Variants in RASSF8 observed in about 807,000 individuals in gnomAD.
The protein encoded by RASSF8 is ras association domain-containing protein 8.
Under a neutral mutation model 48.5 loss-of-function variants are expected in RASSF8, and 22 were observed. The ratio of observed to expected loss-of-function variants is 0.45; its 90% CI spans 0.32 to 0.65. RASSF8 has a LOEUF of 0.65. Among genes scored for constraint, RASSF8 ranks in the 30% least tolerant of loss-of-function variants. The probability of loss-of-function intolerance (pLI) is 0.03; values close to 1 mark genes in which losing one functional copy is unlikely to be tolerated. For synonymous variants in RASSF8, 127 were observed against 171.5 expected (o/e 0.74, Z 2.03); for missense variants, 418 against 489.2 (o/e 0.85, Z 1.37).
At chr12:25,973,409 C>T (rs1209698912) in intron 1 of RASSF8, among the ~76,000 whole-genome samples, 1 of 152,092 alleles carries the variant, frequency 6.6e-6, no homozygotes, top group African/African-American at 2.4e-5. Context: ...GTCATGGGAC[C>T]ATGGACACAT....
intron 3 of RASSF8, among the ~76,000 whole-genome samples, chr12:26,061,150 G>A (rs1223666216): frequency 6.6e-6 from 1 of 152,076 alleles, no homozygotes; most frequent in Admixed American, 6.6e-5. Flanking sequence ...ATTTATGACT[G>A]TAAGGAGAAA....
intron 1 of RASSF8, among the ~76,000 whole-genome samples, chr12:25,961,506 G>C (rs1941233710): frequency 1.3e-5 from 2 of 152,070 alleles, no homozygotes; most frequent in African/African-American, 2.4e-5. Flanking sequence ...GAGTTTCCAA[G>C]TATTCTGTAT....
intron 1 of RASSF8, among the ~76,000 whole-genome samples, chr12:25,971,746 T>TA (rs1941490893): frequency 1.3e-5 from 2 of 152,176 alleles, no homozygotes; most frequent in South Asian, 4.1e-4. Context: ...GTAAAACACT[T>TA]AAAAATGTAT....
chr12:25,992,101 A>C (rs1942028878), intron 1 of RASSF8, among the ~76,000 whole-genome samples: 1 of 152,234 alleles, frequency 6.6e-6, no homozygotes, highest in African/African-American at 2.4e-5. Context: ...GGAATCATTT[A>C]GGTGAGCAGG....
chr12:26,001,095 C>T (rs1307579814), intron 2 of RASSF8, among the ~76,000 whole-genome samples: 1 of 150,836 alleles, frequency 6.6e-6, no homozygotes, highest in Non-Finnish European at 1.5e-5. Flanking sequence ...AGTGATCCTC[C>T]CGCTTCAGCC....
chr12:26,077,779 T>C (rs1171127107), downstream of RASSF8, among the ~76,000 whole-genome samples: 1 of 152,220 alleles, frequency 6.6e-6, no homozygotes, highest in East Asian at 1.9e-4. Flanking sequence ...TTCATCTTAC[T>C]GAATCATTGA....
At chr12:25,967,731 C>T (rs1941391217) in intron 1 of RASSF8, among the ~76,000 whole-genome samples, 1 of 152,194 alleles carries the variant, frequency 6.6e-6, no homozygotes, top group Admixed American at 6.5e-5. Flanking sequence ...TAGTGCCTTC[C>T]CCTTACCCAA....
At chr12:26,036,860 G>C (rs1048611621) in intron 2 of RASSF8, among the ~76,000 whole-genome samples, 1 of 152,008 alleles carries the variant, frequency 6.6e-6, no homozygotes, top group African/African-American at 2.4e-5. Flanking sequence ...AGGTTGAAGT[G>C]AGCCGAGATA....
At chr12:26,015,520 A>C (rs1427046684) in intron 2 of RASSF8, among the ~76,000 whole-genome samples, 1 of 152,238 alleles carries the variant, frequency 6.6e-6, no homozygotes, top group Non-Finnish European at 1.5e-5. Flanking sequence ...TGACAAGCAA[A>C]GAGATTGAGG....
intron 1 of RASSF8, among the ~76,000 whole-genome samples, chr12:25,990,910 T>A (rs1244507539): frequency 2.6e-5 from 4 of 151,342 alleles, no homozygotes; most frequent in African/African-American, 9.7e-5. Context: ...CCTAAAAAAA[T>A]ACACACACAC....
chr12:25,960,090 A>G (rs768001994), intron 1 of RASSF8, among the ~76,000 whole-genome samples: 1 of 152,004 alleles, frequency 6.6e-6, no homozygotes, highest in African/African-American at 2.4e-5. Flanking sequence ...AGGGACGAAC[A>G]TTTATGGATT....
chr12:25,976,791 C>T (rs766801173), intron 1 of RASSF8, among the ~76,000 whole-genome samples: 1 of 152,180 alleles, frequency 6.6e-6, no homozygotes, highest in Non-Finnish European at 1.5e-5. Flanking sequence ...AGTCACGACC[C>T]TCTACCGGTG....
intron 1 of RASSF8, among the ~76,000 whole-genome samples, chr12:25,989,488 GCT>G (rs1402431878): frequency 6.6e-6 from 1 of 151,712 alleles, no homozygotes; most frequent in Non-Finnish European, 1.5e-5. Flanking sequence ...TCTGAAAAAA[GCT>G]CTCTGTTGTG....
At chr12:26,027,793 A>G (rs936637574) in intron 2 of RASSF8, among the ~76,000 whole-genome samples, 2 of 152,162 alleles carry the variant, frequency 1.3e-5, no homozygotes, top group Non-Finnish European at 2.9e-5. Flanking sequence ...TCACCTAGGG[A>G]GAGAGGGGAT....
At chr12:25,958,369 G>A (rs1285308429), upstream of RASSF8, 1 of 151,838 alleles carries the variant, frequency 6.6e-6, no homozygotes, top group African/African-American at 2.4e-5. Flanking sequence ...GCGACAGCGG[G>A]GGGGCGTCGC....
intron 1 of RASSF8, among the ~76,000 whole-genome samples, chr12:25,980,680 G>A (rs1011083320): frequency 6.6e-6 from 1 of 152,170 alleles, no homozygotes; most frequent in African/African-American, 2.4e-5. Context: ...TAAGTCCTAT[G>A]AGAAGGGATT....
chr12:26,004,871 G>C (rs1361139042), intron 2 of RASSF8, among the ~76,000 whole-genome samples: 1 of 152,038 alleles, frequency 6.6e-6, no homozygotes, highest in Non-Finnish European at 1.5e-5. Flanking sequence ...TAAGTGAAAG[G>C]TATAAAATGA....
downstream of RASSF8, among the ~76,000 whole-genome samples, chr12:26,076,441 G>A (rs1218772243): frequency 1.3e-5 from 2 of 152,076 alleles, no homozygotes. Flanking sequence ...ACAGGCCCCA[G>A]TGTGTGATGT....
rs143496926 is a variant in RASSF8 at position 25,981,934 on chromosome 12, A to G, written c.-202-13103A>G. Among the ~76,000 whole-genome samples the G allele has an allele frequency of 4.0e-3, 610 of 152,332 alleles. 4 individuals carry two copies. The highest frequency in any genetic ancestry group is 0.013 in the African/African-American group (559 of 41,578). Reference sequence around the variant, plus strand: ...GTGTGAGGGAGGTATAGGAATCCCTATTTCAAGGATATGTTTCTTAATAAT... The same window carrying G: ...GTGTGAGGGAGGTATAGGAATCCCTGTTTCAAGGATATGTTTCTTAATAAT... On this transcript the variant is annotated intron_variant, in intron 1 of 5. Transcript: ENST00000689635.
Sources: gnomAD v4.1 joint callset for allele counts (sites outside exome capture counted in the v4.1 genomes callset) on GRCh38, gnomAD v4.1.1 for gene constraint, MANE v1.5 for transcripts, NCBI Gene and HGNC (gene_info 2026-07-23, HGNC 2026-07-21) for gene names.